Variants in GPR89B observed in about 807,000 individuals in gnomAD.
The protein encoded by GPR89B is golgi pH regulator B.
Under a neutral mutation model 52.4 loss-of-function variants are expected in GPR89B, and 25 were observed. The ratio of observed to expected loss-of-function variants is 0.48; its 90% CI spans 0.35 to 0.67. The LOEUF is 0.67. Ranked by LOEUF, GPR89B falls within the 30% of genes least tolerant of loss-of-function variation. GPR89B has a pLI of 0.01. For missense variants in GPR89B, 146 were observed against 450.2 expected (o/e 0.32, Z 6.11); for synonymous variants, 52 against 151.2 (o/e 0.34, Z 4.81).
intron 5 of GPR89B, among the ~76,000 whole-genome samples, chr1:147,951,761 T>A (rs1472235196): frequency 2.0e-5 from 3 of 151,598 alleles, no homozygotes; most frequent in Admixed American, 6.6e-5. Flanking sequence ...CAAAAACAAA[T>A]AGCACCAAGA....
the GPR89B span, among the ~76,000 whole-genome samples, chr1:148,021,571 C>T: frequency 5.9e-5 from 9 of 151,438 alleles, no homozygotes; most frequent in Non-Finnish European, 1.0e-4. Flanking sequence ...AAAGGGGAGG[C>T]ATGTGAGGAG....
In GPR89B at chr1:147,993,242, G is replaced by T; in HGVS notation, c.*325G>T. On this transcript the variant is annotated 3_prime_UTR_variant, in exon 14 of 14. Transcript: ENST00000314163. ...AACTCTGGGGCAAGAGATGTCTATG[G>T]TAGCTGAGCCAAACACGTAGGATTT... 2 of 850,304 alleles carry T rather than the reference G, an allele frequency of 2.4e-6. No homozygotes were observed. The highest frequency in any genetic ancestry group is 3.4e-6 in the Non-Finnish European group (2 of 592,442). The allele number at this position is 850,304 out of a possible 1,614,324, so 52.7% of individuals were successfully genotyped here.
intron 5 of GPR89B, among the ~76,000 whole-genome samples, chr1:147,949,579 C>A (rs1655364092): frequency 7.9e-6 from 1 of 127,144 alleles, no homozygotes. Flanking sequence ...GGGGGCTGAC[C>A]CCCCCACCTC....
At chr1:147,950,331 C>T (rs1433049352) in intron 5 of GPR89B, among the ~76,000 whole-genome samples, 8 of 139,902 alleles carry the variant, frequency 5.7e-5, no homozygotes, top group South Asian at 4.7e-4. Context: ...ACATCTTAGA[C>T]GATGGGCGGC....
intron 5 of GPR89B, among the ~76,000 whole-genome samples, chr1:147,952,926 A>G (rs1189191860): frequency 1.2e-3 from 184 of 151,522 alleles, no homozygotes; most frequent in African/African-American, 4.4e-3. Flanking sequence ...GGGGAAATAC[A>G]TATATATCAA....
chr1:147,949,950 CG>C (rs1655461186), intron 5 of GPR89B, among the ~76,000 whole-genome samples: 1 of 137,150 alleles, frequency 7.3e-6, no homozygotes, highest in Non-Finnish European at 1.6e-5. Flanking sequence ...CCCTCCCGGA[CG>C]GTGCGGCTGG....
Position 147,936,744 on chromosome 1 carries a change from A to G in GPR89B, c.102+58A>G, listed in dbSNP as rs587627725. 29 of 1,430,000 alleles carry G rather than the reference A, an allele frequency of 2.0e-5. No individual in the cohort carries two copies. The African/African-American group carries it at 2.8e-4, about 14-fold the overall frequency. 88.6% of individuals were successfully genotyped at this position (1,430,000 alleles called of 1,614,324 possible). On this transcript the variant is annotated intron_variant, in intron 2 of 13. Coordinates refer to ENST00000314163, the MANE Select transcript of GPR89B (RefSeq NM_016334.5). ...ATATGAATTTAGATTGACAAGAAAAATGTCTCCATTAAAGAAACATTATGT... is the reference window on the plus strand; with the variant it reads ...ATATGAATTTAGATTGACAAGAAAAGTGTCTCCATTAAAGAAACATTATGT...
chr1:147,956,456 A>G (rs1242063990), intron 7 of GPR89B, among the ~76,000 whole-genome samples: 4 of 152,120 alleles, frequency 2.6e-5, no homozygotes, highest in Non-Finnish European at 5.9e-5. Context: ...GATAGGGATT[A>G]CATTAAATCT....
intron 7 of GPR89B, among the ~76,000 whole-genome samples, chr1:147,963,341 A>T (rs1238255313): frequency 1.3e-5 from 2 of 151,830 alleles, no homozygotes; most frequent in Admixed American, 1.3e-4. Flanking sequence ...GAGCCACTGT[A>T]CTCTAGCCTG....
the GPR89B span, among the ~76,000 whole-genome samples, chr1:148,022,356 G>T: frequency 1.3e-5 from 2 of 151,144 alleles, no homozygotes; most frequent in East Asian, 2.0e-4. Flanking sequence ...AGAGAGAATT[G>T]ATATAGTTTC....
intron 10 of GPR89B, among the ~76,000 whole-genome samples, chr1:147,970,535 ATCTCTATC>A (rs1657373505): frequency 1.1e-5 from 1 of 87,502 alleles, no homozygotes; most frequent in African/African-American, 4.7e-5. Context: ...CTCTCTCTCT[ATCTCTATC>A]TCTCTCTCTC....
At chr1:147,970,162 C>A (rs1199927072) in intron 10 of GPR89B, among the ~76,000 whole-genome samples, 9 of 152,044 alleles carry the variant, frequency 5.9e-5, no homozygotes, top group Admixed American at 4.6e-4. Context: ...TTGCATTTTT[C>A]TTCTGTCAGA....
At chr1:148,025,302 C>T in the GPR89B span, among the ~76,000 whole-genome samples, 1 of 151,794 alleles carries the variant, frequency 6.6e-6, no homozygotes, top group East Asian at 1.9e-4. Context: ...TAATAGCAGC[C>T]TTGCTAACAA....
chr1:147,978,870 TC>T (rs1384754060), intron 10 of GPR89B, among the ~76,000 whole-genome samples: 3 of 149,562 alleles, frequency 2.0e-5, no homozygotes, highest in Admixed American at 2.0e-4. Flanking sequence ...ATGGTGGCTA[TC>T]CCGGGAACTT....
At chr1:148,004,356 G>C in the GPR89B span, among the ~76,000 whole-genome samples, 1 of 150,034 alleles carries the variant, frequency 6.7e-6, no homozygotes, top group African/African-American at 2.4e-5. Context: ...TAGTAGAGAC[G>C]GTGTTTCACC....
the GPR89B span, among the ~76,000 whole-genome samples, chr1:147,998,902 TGAG>T: frequency 7.8e-6 from 1 of 127,860 alleles, no homozygotes; most frequent in East Asian, 2.3e-4. Flanking sequence ...AAAAAAAAAA[TGAG>T]ATTTTATTCA....
At chr1:147,986,669 C>T (rs1571318574) in intron 11 of GPR89B, among the ~76,000 whole-genome samples, 1 of 152,124 alleles carries the variant, frequency 6.6e-6, no homozygotes, top group Non-Finnish European at 1.5e-5. Flanking sequence ...TCTTCAAACA[C>T]ACAACTCAGC....
chr1:147,968,954 T>G lies in GPR89B; in HGVS notation c.807T>G (p.Tyr269Ter). 6.2e-7 allele frequency: 1 copy of G among 1,606,780 alleles called. No homozygotes were observed. ...RQLFLETADL[Y>*]ATKERIEYSK... ...TTTTTCTGGAAACAGCTGATCTATA[T>G]GCTACCAAGGTACAGAGCAAGGAAA... Residue 269 changes from tyrosine (Y) to a stop codon, truncating the protein, a stop_gained, in exon 9 of 14, where the codon TAT (tyrosine) becomes TAG (stop). Transcript: ENST00000314163. LOFTEE classifies it high-confidence loss of function.
At chr1:147,988,354 A>G (rs1467424050) in intron 11 of GPR89B, 78 bp from the exon 12 acceptor site, 15 of 1,596,298 alleles carry the variant, frequency 9.4e-6, no homozygotes, top group Non-Finnish European at 1.3e-5. Context: ...CAGTCATGTA[A>G]ATGATTGGGA....
Sources: gnomAD v4.1 joint callset for allele counts (sites outside exome capture counted in the v4.1 genomes callset) on GRCh38, gnomAD v4.1.1 for gene constraint, MANE v1.5 for transcripts, NCBI Gene and HGNC (gene_info 2026-07-23, HGNC 2026-07-21) for gene names.